The following PAWR variants were observed in gnomAD, a reference collection of about 807,000 sequenced individuals.
PAWR encodes PRKC apoptosis WT1 regulator protein.
A neutral mutation model predicts 32.0 loss-of-function variants in PAWR; 23 were observed. The observed-to-expected ratio is 0.72, with a 90% CI of 0.52 to 1.02. The LOEUF is 1.02. PAWR is among the 50% of genes least tolerant of loss of function. The probability of loss-of-function intolerance (pLI) is 0.00; values close to 1 mark genes in which losing one functional copy is unlikely to be tolerated. For missense variants in PAWR, 457 were observed against 437.7 expected, an observed-to-expected ratio of 1.04 and a Z score of -0.39; for synonymous variants, 226 against 187.1, an observed-to-expected ratio of 1.21 and a Z score of -1.70.
intron 4 of PAWR, chr12:79,597,065 T>A (rs1185982093): frequency 6.5e-6 from 1 of 153,604 alleles, no homozygotes; most frequent in African/African-American, 2.4e-5. Flanking sequence ...ATCTTTTTTT[T>A]TTTTTTTTTT....
At chr12:79,687,333 A>T (rs1449254466) in intron 2 of PAWR, among the ~76,000 whole-genome samples, 1 of 152,176 alleles carries the variant, frequency 6.6e-6, no homozygotes, top group East Asian at 1.9e-4. Context: ...TATACACTCT[A>T]TAACTAGTAA....
intron 4 of PAWR, among the ~76,000 whole-genome samples, chr12:79,612,568 T>C (rs1245274161): frequency 6.6e-6 from 1 of 152,186 alleles, no homozygotes; most frequent in Non-Finnish European, 1.5e-5. Context: ...ACTAGGTTTA[T>C]AACCCCAGAA....
chr12:79,605,166 G>A (rs1443287911), intron 4 of PAWR, among the ~76,000 whole-genome samples: 1 of 151,740 alleles, frequency 6.6e-6, no homozygotes, highest in African/African-American at 2.4e-5. Context: ...TCATTTTAAT[G>A]GCTGCATTAT....
At chr12:79,666,164 G>A (rs959484304) in intron 2 of PAWR, among the ~76,000 whole-genome samples, 2 of 152,102 alleles carry the variant, frequency 1.3e-5, no homozygotes, top group Non-Finnish European at 2.9e-5. Flanking sequence ...GTTAAGTGGA[G>A]GCGGTTTCAA....
chr12:79,665,467 T>C (rs568683339), intron 2 of PAWR, among the ~76,000 whole-genome samples: 1 of 152,350 alleles, frequency 6.6e-6, no homozygotes, highest in South Asian at 2.1e-4. Flanking sequence ...GTTGGCTCAA[T>C]AAACTTGTCT....
intron 2 of PAWR, among the ~76,000 whole-genome samples, chr12:79,671,187 T>TAC (rs1437122452): frequency 6.7e-6 from 1 of 149,908 alleles, no homozygotes; most frequent in African/African-American, 2.4e-5. Context: ...TAAATTCCAC[T>TAC]ACAGCCTAAA....
intron 2 of PAWR, among the ~76,000 whole-genome samples, chr12:79,641,573 G>A (rs1005660037): frequency 6.6e-6 from 1 of 152,068 alleles, no homozygotes; most frequent in Non-Finnish European, 1.5e-5. Context: ...GATTGGCCAG[G>A]CGCGGTGGCT....
chr12:79,660,301 C>T (rs1877287481), intron 2 of PAWR, among the ~76,000 whole-genome samples: 1 of 152,138 alleles, frequency 6.6e-6, no homozygotes, highest in South Asian at 2.1e-4. Flanking sequence ...CAGGAATCTC[C>T]TCCTTCCCCA....
At chr12:79,632,361 A>ATATTTTTT (rs1566011212) in intron 2 of PAWR, among the ~76,000 whole-genome samples, 5 of 20,606 alleles carry the variant, frequency 2.4e-4, no homozygotes, top group Non-Finnish European at 3.9e-4. Context: ...ATATATATAT[A>ATATTTTTT]TTTTTTTTTT....
intron 2 of PAWR, among the ~76,000 whole-genome samples, chr12:79,647,577 C>G (rs1876636422): frequency 6.6e-6 from 1 of 152,174 alleles, no homozygotes; most frequent in Non-Finnish European, 1.5e-5. Flanking sequence ...AGGAGGATAA[C>G]TAGCAGCTAT....
Position 79,638,863 on chromosome 12 carries a change from CATATATATAT to C in PAWR, c.517-17666_517-17657del, listed in dbSNP as rs1555237600. Among the ~76,000 whole-genome samples the C allele has an allele frequency of 5.3e-3, 43 of 8,146 alleles. 2 individuals are homozygous for C. Among genetic ancestry groups the C allele is most frequent in the African/African-American group, 8.6e-3 (26 of 3,026 alleles). 5.3% of individuals were successfully genotyped at this position (8,146 alleles called of 152,430 possible). A position where few individuals can be genotyped will look rare whatever the true frequency, so the allele number is the denominator to read the frequency against. On this transcript the variant is annotated intron_variant, in intron 2 of 6. Transcript: ENST00000328827. Reference sequence around the variant, plus strand: ...ATACATATATTTTTTGAGATGGAGTCATATATATATATATATATATATATATATATATATT... The same window carrying C: ...ATACATATATTTTTTGAGATGGAGTCATATATATATATATATATATATATT...
At chr12:79,599,442 C>A (rs1398384687) in intron 4 of PAWR, among the ~76,000 whole-genome samples, 1 of 152,198 alleles carries the variant, frequency 6.6e-6, no homozygotes, top group Non-Finnish European at 1.5e-5. Context: ...GATTTACATT[C>A]TGGTACAAGC....
intron 4 of PAWR, among the ~76,000 whole-genome samples, chr12:79,612,438 A>C (rs2136697769): frequency 6.6e-6 from 1 of 152,292 alleles, no homozygotes; most frequent in African/African-American, 2.4e-5. Flanking sequence ...TTAAACTCCA[A>C]CATACAGATG....
chr12:79,612,980 A>G (rs1874510947), intron 4 of PAWR, among the ~76,000 whole-genome samples: 4 of 152,182 alleles, frequency 2.6e-5, no homozygotes, highest in South Asian at 4.1e-4. Context: ...AATGAGATGG[A>G]GCCCTTGGGA....
chr12:79,685,204 G>A (rs1363459373), intron 2 of PAWR, among the ~76,000 whole-genome samples: 1 of 152,094 alleles, frequency 6.6e-6, no homozygotes, highest in African/African-American at 2.4e-5. Flanking sequence ...TAGGAAAGCT[G>A]GGCTAATAGC....
chr12:79,648,489 C>A (rs544351376), intron 2 of PAWR, among the ~76,000 whole-genome samples: 12 of 152,070 alleles, frequency 7.9e-5, no homozygotes, highest in Admixed American at 6.5e-4. Flanking sequence ...ATGCTTTAAA[C>A]TTCTATAATG....
rs567390270 is a variant in PAWR at position 79,648,763 on chromosome 12, T to C, written c.517-27556A>G. Among the ~76,000 whole-genome samples, 4 of 148,802 alleles carry C rather than the reference T, an allele frequency of 2.7e-5. No homozygotes were observed. In the East Asian group the frequency reaches 5.9e-4, roughly 22 times the overall value. On this transcript the variant is annotated intron_variant, in intron 2 of 6. Transcript: ENST00000328827. ...ATGACTATGCCTTTGCACTCCATCC[T>C]GGGCAACAGGATGGCTCTAACAGGG...
intron 3 of PAWR, among the ~76,000 whole-genome samples, chr12:79,614,518 G>A (rs1874633832): frequency 6.6e-6 from 1 of 152,022 alleles, no homozygotes; most frequent in Non-Finnish European, 1.5e-5. Context: ...TAACCATTGG[G>A]GTAGAAAAAT....
chr12:79,663,844 G>A (rs1057163009), intron 2 of PAWR, among the ~76,000 whole-genome samples: 1 of 151,986 alleles, frequency 6.6e-6, no homozygotes, highest in Non-Finnish European at 1.5e-5. Flanking sequence ...AGAAATAAAT[G>A]AAAAGTTTTA....
Sources: allele counts gnomAD v4.1 joint callset (sites outside exome capture counted in the v4.1 genomes callset), GRCh38; gene constraint gnomAD v4.1.1; transcripts MANE v1.5; gene names NCBI Gene and HGNC (gene_info 2026-07-23, HGNC 2026-07-21).